Variants in FOXN3 observed in about 807,000 individuals in gnomAD.
The protein encoded by FOXN3 is forkhead box protein N3.
A neutral mutation model predicts 38.4 loss-of-function variants in FOXN3; 7 were observed. The observed-to-expected ratio is 0.18, with a 90% CI of 0.10 to 0.34. The LOEUF (loss-of-function observed/expected upper bound fraction) is 0.34. FOXN3 is among the 10% of genes least tolerant of loss of function. FOXN3 has a pLI of 1.00. For synonymous variants in FOXN3, 230 were observed against 242.2 expected, an observed-to-expected ratio of 0.95 and a Z score of 0.47; for missense variants, 456 against 613.4, an observed-to-expected ratio of 0.74 and a Z score of 2.71.
At chr14:89,351,094 T>C (rs1239762472) in intron 2 of FOXN3, 1 of 219,462 alleles carries the variant, frequency 4.6e-6, no homozygotes, top group African/African-American at 2.3e-5. Context: ...AATCTCATTG[T>C]TTTTCAGCGT....
chr14:89,539,409 C>T (rs1555359387), intron 1 of FOXN3, among the ~76,000 whole-genome samples: 1 of 152,142 alleles, frequency 6.6e-6, no homozygotes, highest in Admixed American at 6.5e-5. Context: ...AAATACCGGT[C>T]CAGTGAAAAT....
intron 1 of FOXN3, among the ~76,000 whole-genome samples, chr14:89,413,198 A>G (rs1358853690): frequency 6.6e-6 from 1 of 152,148 alleles, no homozygotes; most frequent in Non-Finnish European, 1.5e-5. Flanking sequence ...CCAGCACCCA[A>G]CGTAACACAG....
chr14:89,347,772 T>C (rs368408472), intron 3 of FOXN3, among the ~76,000 whole-genome samples: 2 of 151,894 alleles, frequency 1.3e-5, no homozygotes, highest in African/African-American at 4.8e-5. Flanking sequence ...GCCAACAAGG[T>C]AAAACCCCAT....
At chr14:89,307,861 C>T (rs1445455468) in intron 3 of FOXN3, among the ~76,000 whole-genome samples, 1 of 151,968 alleles carries the variant, frequency 6.6e-6, no homozygotes, top group Non-Finnish European at 1.5e-5. Context: ...AATGTGTGCC[C>T]GATATAGGTA....
intron 1 of FOXN3, among the ~76,000 whole-genome samples, chr14:89,520,603 G>C (rs894311932): frequency 6.6e-6 from 1 of 152,152 alleles, no homozygotes; most frequent in Non-Finnish European, 1.5e-5. Flanking sequence ...ACACTAAAAA[G>C]ATATTTACCT....
chr14:89,203,766 T>C (rs1888295682), intron 4 of FOXN3, among the ~76,000 whole-genome samples: 1 of 152,130 alleles, frequency 6.6e-6, no homozygotes, highest in Admixed American at 6.5e-5. Flanking sequence ...TACTTTAAGC[T>C]GAGACTATAA....
chr14:89,391,006 C>T (rs1890928759), intron 2 of FOXN3, among the ~76,000 whole-genome samples: 1 of 152,276 alleles, frequency 6.6e-6, no homozygotes, highest in South Asian at 2.1e-4. Flanking sequence ...CTAAGGTTAA[C>T]GGTAGATCCA....
chr14:89,191,948 G>T (rs1373939439), intron 4 of FOXN3, among the ~76,000 whole-genome samples: 1 of 117,950 alleles, frequency 8.5e-6, no homozygotes, highest in Non-Finnish European at 1.6e-5. Flanking sequence ...ACTGATATTA[G>T]TATATATATA....
At chr14:89,350,409 T>C in intron 3 of FOXN3, 2 of 309,300 alleles carry the variant, frequency 6.5e-6, no homozygotes, top group Middle Eastern at 1.8e-3. Context: ...TCGACTTTTC[T>C]TTGTAAATGT....
intron 1 of FOXN3, among the ~76,000 whole-genome samples, chr14:89,471,152 T>C (rs941235434): frequency 2.0e-5 from 3 of 152,170 alleles, no homozygotes; most frequent in African/African-American, 4.8e-5. Context: ...GCGCACAGTA[T>C]GTTTGCTTGA....
At chr14:89,582,598 T>C (rs538746915) in intron 1 of FOXN3, among the ~76,000 whole-genome samples, 164 of 150,668 alleles carry the variant, frequency 1.1e-3, no homozygotes, top group Non-Finnish European at 2.0e-3. Context: ...CATGCCATTC[T>C]CCTGCCTCAG....
intron 1 of FOXN3, among the ~76,000 whole-genome samples, chr14:89,463,840 A>G (rs1470974599): frequency 6.8e-6 from 1 of 147,362 alleles, no homozygotes; most frequent in African/African-American, 2.5e-5. Context: ...ACTGGAGTGC[A>G]GTGACGCAAT....
intron 1 of FOXN3, among the ~76,000 whole-genome samples, chr14:89,485,667 G>C (rs566144082): frequency 1.3e-5 from 2 of 152,298 alleles, no homozygotes; most frequent in East Asian, 3.9e-4. Flanking sequence ...CAGCAGGACA[G>C]TGCCAGCCAA....
At chr14:89,445,855 G>A (rs961237494) in intron 1 of FOXN3, among the ~76,000 whole-genome samples, 1 of 151,804 alleles carries the variant, frequency 6.6e-6, no homozygotes, top group Non-Finnish European at 1.5e-5. Flanking sequence ...CCCAGGTGGT[G>A]GAATCCCTTG....
chr14:89,508,906 T>C (rs1243312661), intron 1 of FOXN3, among the ~76,000 whole-genome samples: 1 of 152,152 alleles, frequency 6.6e-6, no homozygotes, highest in East Asian at 1.9e-4. Context: ...GCCTTCCACA[T>C]GACAGGCTTT....
intron 4 of FOXN3, among the ~76,000 whole-genome samples, chr14:89,197,108 T>C (rs1356265862): frequency 6.6e-6 from 1 of 152,186 alleles, no homozygotes; most frequent in Non-Finnish European, 1.5e-5. Flanking sequence ...AGGGGTCTTA[T>C]AGGATGATGA....
intron 1 of FOXN3, among the ~76,000 whole-genome samples, chr14:89,597,797 C>T (rs576824805): frequency 2.6e-5 from 4 of 152,192 alleles, no homozygotes; most frequent in Admixed American, 6.5e-5. Flanking sequence ...TCTTTTGTAT[C>T]GGGCCCTTCT....
intron 3 of FOXN3, among the ~76,000 whole-genome samples, chr14:89,295,863 C>G (rs1020805082): frequency 2.7e-5 from 4 of 150,120 alleles, no homozygotes; most frequent in Non-Finnish European, 5.9e-5. Flanking sequence ...TCCCAAAATA[C>G]TGGGATTACA....
At chr14:89,334,471 G>C (rs957937185) in intron 3 of FOXN3, among the ~76,000 whole-genome samples, 1 of 151,300 alleles carries the variant, frequency 6.6e-6, no homozygotes, top group Admixed American at 6.6e-5. Context: ...TTAGCCAAGT[G>C]TGGTGGTGCA....
Sources: allele counts gnomAD v4.1 joint callset (sites outside exome capture counted in the v4.1 genomes callset), GRCh38; gene constraint gnomAD v4.1.1; transcripts MANE v1.5; gene names NCBI Gene and HGNC (gene_info 2026-07-23, HGNC 2026-07-21).